PRKD1: variants seen among roughly 807,000 people sequenced by gnomAD.
PRKD1 encodes the protein protein kinase D1.
In PRKD1, 63 loss-of-function variants were observed where a neutral mutation model predicts 95.9. The observed-to-expected ratio is 0.66, with a 90% CI of 0.54 to 0.81. The LOEUF is 0.81. PRKD1 is among the 30% of genes least tolerant of loss of function. The pLI, the probability that PRKD1 is intolerant of heterozygous loss-of-function variation, is 0.00. For synonymous variants in PRKD1, 425 were observed against 423.1 expected (o/e 1.00, Z -0.05); for missense variants, 1,048 against 1,165.3 (o/e 0.90, Z 1.47).
intron 7 of PRKD1, among the ~76,000 whole-genome samples, chr14:29,635,789 T>C (rs1206568805): frequency 2.6e-5 from 4 of 152,134 alleles, no homozygotes; most frequent in Admixed American, 2.6e-4. Context: ...TGACTCCTGA[T>C]ATAAAAAGTG....
intron 1 of PRKD1, among the ~76,000 whole-genome samples, chr14:29,909,781 T>C (rs1158950792): frequency 4.6e-5 from 7 of 152,026 alleles, no homozygotes; most frequent in Admixed American, 1.3e-4. Context: ...TGGAGAATCT[T>C]TACGTCTAGC....
intron 1 of PRKD1, among the ~76,000 whole-genome samples, chr14:29,750,470 A>T (rs941154402): frequency 1.3e-5 from 2 of 152,202 alleles, no homozygotes; most frequent in South Asian, 2.1e-4. Context: ...TTTAAGAAAG[A>T]TGAAGAAAAA....
At chr14:29,583,826 T>TA (rs1224858358) in intron 16 of PRKD1, among the ~76,000 whole-genome samples, 9 of 152,032 alleles carry the variant, frequency 5.9e-5, no homozygotes, top group East Asian at 1.9e-4. Flanking sequence ...CTACAAATTA[T>TA]AAAAAAAATT....
chr14:29,804,451 C>T (rs999466776), intron 1 of PRKD1, among the ~76,000 whole-genome samples: 6 of 152,096 alleles, frequency 3.9e-5, no homozygotes, highest in African/African-American at 9.7e-5. Flanking sequence ...TGTCCAATGT[C>T]TTCTTTTTCC....
chr14:29,713,852 G>A lies in PRKD1; in HGVS notation c.403+11684C>T, dbSNP rs1248641607. Among the ~76,000 whole-genome samples the A allele has an allele frequency of 3.3e-5, 5 of 152,104 alleles. No homozygotes were observed. In the East Asian group the frequency reaches 9.6e-4, roughly 29 times the overall value. ...TTCTCAGTTTGAAGTTCAGGAAACT[G>A]TGGTATTCAAACACTAAATAATTTT... On this transcript the variant is annotated intron_variant, in intron 2 of 17. Coordinates refer to ENST00000331968, the MANE Select transcript of PRKD1 (RefSeq NM_002742.3).
chr14:29,817,588 C>T (rs1890743002), intron 1 of PRKD1, among the ~76,000 whole-genome samples: 1 of 152,096 alleles, frequency 6.6e-6, no homozygotes, highest in African/African-American at 2.4e-5. Flanking sequence ...TGACCTCTAA[C>T]TTTATGGTTA....
intron 1 of PRKD1, among the ~76,000 whole-genome samples, chr14:29,785,821 A>G (rs1889247499): frequency 6.6e-6 from 1 of 151,214 alleles, no homozygotes; most frequent in South Asian, 2.1e-4. Flanking sequence ...TTAAAGTATA[A>G]TCATAATAAA....
intron 1 of PRKD1, among the ~76,000 whole-genome samples, chr14:29,923,440 C>G (rs1354116831): frequency 6.6e-6 from 1 of 152,004 alleles, no homozygotes; most frequent in African/African-American, 2.4e-5. Context: ...CTTTCTCAAT[C>G]TATGTGGAAT....
chr14:29,812,675 A>G (rs1890539289), intron 1 of PRKD1, among the ~76,000 whole-genome samples: 1 of 152,204 alleles, frequency 6.6e-6, no homozygotes, highest in East Asian at 1.9e-4. Context: ...GAACTCACTC[A>G]CTATCAGGAG....
chr14:29,835,195 G>C (rs1891566128), intron 1 of PRKD1, among the ~76,000 whole-genome samples: 1 of 152,028 alleles, frequency 6.6e-6, no homozygotes, highest in South Asian at 2.1e-4. Context: ...GAAATAGTGG[G>C]GCATTTAAAG....
At chr14:29,685,600 C>G (rs1184744250) in intron 2 of PRKD1, among the ~76,000 whole-genome samples, 1 of 152,152 alleles carries the variant, frequency 6.6e-6, no homozygotes. Context: ...GATAGACATT[C>G]TAACATATTT....
intron 13 of PRKD1, among the ~76,000 whole-genome samples, chr14:29,609,972 A>G (rs1307754921): frequency 6.6e-6 from 1 of 152,144 alleles, no homozygotes; most frequent in Non-Finnish European, 1.5e-5. Context: ...CAGACACATG[A>G]TAAATGTAAT....
chr14:29,664,704 C>T (rs527789271), intron 3 of PRKD1, among the ~76,000 whole-genome samples: 11 of 152,118 alleles, frequency 7.2e-5, no homozygotes, highest in Non-Finnish European at 1.5e-4. Flanking sequence ...CTAACCCTGC[C>T]CTCCCAATCC....
chr14:29,765,582 T>A (rs374664859), intron 1 of PRKD1, among the ~76,000 whole-genome samples: 1 of 152,156 alleles, frequency 6.6e-6, no homozygotes, highest in African/African-American at 2.4e-5. Context: ...TAAATAACAA[T>A]GCTCATAGAA....
Position 29,821,900 on chromosome 14 carries a change from C to G in PRKD1, c.265-96226G>C, listed in dbSNP as rs566771478. Among the ~76,000 whole-genome samples, 3 of 152,080 alleles carry G rather than the reference C, an allele frequency of 2.0e-5. No individual in the cohort carries two copies. The South Asian group carries it at 6.2e-4, about 32-fold the overall frequency. On this transcript the variant is annotated intron_variant, in intron 1 of 17. Transcript: ENST00000331968. ...CCCACACACAACCTCCTCAAGCAGACAGACTCCACAGTCAGAGCAACCTTT... is the reference window on the plus strand; with the variant it reads ...CCCACACACAACCTCCTCAAGCAGAGAGACTCCACAGTCAGAGCAACCTTT...
intron 1 of PRKD1, among the ~76,000 whole-genome samples, chr14:29,756,343 CTT>C (rs1388228606): frequency 2.6e-5 from 4 of 152,094 alleles, no homozygotes; most frequent in African/African-American, 9.7e-5. Flanking sequence ...TGCGTAAAGA[CTT>C]TCTAAGTTCT....
chr14:29,827,622 A>G (rs1379364993), intron 1 of PRKD1, among the ~76,000 whole-genome samples: 1 of 152,188 alleles, frequency 6.6e-6, no homozygotes, highest in Non-Finnish European at 1.5e-5. Flanking sequence ...CAAAATTCTT[A>G]TTTTAAAAAG....
At chr14:29,808,949 C>T (rs1254381554) in intron 1 of PRKD1, among the ~76,000 whole-genome samples, 1 of 152,170 alleles carries the variant, frequency 6.6e-6, no homozygotes, top group Admixed American at 6.5e-5. Context: ...ATATCAATGG[C>T]AGCTGTAGCC....
At chr14:29,911,640 C>T (rs10147929) in intron 1 of PRKD1, among the ~76,000 whole-genome samples, 35,346 of 152,122 alleles carry the variant, frequency 0.23, 7,833 homozygotes, top group African/African-American at 0.59. Context: ...GTATGATCCA[C>T]TTTGGGGCTT....
Sources: allele counts gnomAD v4.1 joint callset (sites outside exome capture counted in the v4.1 genomes callset), GRCh38; gene constraint gnomAD v4.1.1; transcripts MANE v1.5; gene names NCBI Gene and HGNC (gene_info 2026-07-23, HGNC 2026-07-21).